SAMD12: variants seen among roughly 807,000 people sequenced by gnomAD.
The protein encoded by SAMD12 is sterile alpha motif domain-containing protein 12.
Under a neutral mutation model 15.0 loss-of-function variants are expected in SAMD12, and 9 were observed. The ratio of observed to expected loss-of-function variants is 0.60; its 90% CI spans 0.36 to 1.05. The LOEUF (loss-of-function observed/expected upper bound fraction) is 1.05. SAMD12 is among the 50% of genes least tolerant of loss of function. The probability of loss-of-function intolerance (pLI) is 0.01; values close to 1 mark genes in which losing one functional copy is unlikely to be tolerated. For missense variants in SAMD12, 230 were observed against 234.2 expected, an observed-to-expected ratio of 0.98 and a Z score of 0.12; for synonymous variants, 86 against 90.1, an observed-to-expected ratio of 0.96 and a Z score of 0.25.
intron 1 of SAMD12, among the ~76,000 whole-genome samples, chr8:118,615,763 G>C (rs1372355557): frequency 6.6e-6 from 1 of 152,166 alleles, no homozygotes; most frequent in Non-Finnish European, 1.5e-5. Context: ...TCTTCATTCA[G>C]GCGTGAGAAA....
intron 4 of SAMD12, among the ~76,000 whole-genome samples, chr8:118,229,176 G>A (rs1443758117): frequency 1.3e-5 from 2 of 151,900 alleles, no homozygotes; most frequent in African/African-American, 4.8e-5. Flanking sequence ...CTACAAATAT[G>A]GTGCAGTGTA....
At chr8:118,566,054 T>A (rs1826837586) in intron 2 of SAMD12, among the ~76,000 whole-genome samples, 1 of 152,232 alleles carries the variant, frequency 6.6e-6, no homozygotes, top group Non-Finnish European at 1.5e-5. Context: ...AGCTAGAGTC[T>A]TCTCTTTATA....
At chr8:118,435,994 T>C (rs1289683403) in intron 3 of SAMD12, among the ~76,000 whole-genome samples, 1 of 152,212 alleles carries the variant, frequency 6.6e-6, no homozygotes, top group African/African-American at 2.4e-5. Flanking sequence ...GGAACAGAAG[T>C]TACATGTCAA....
intron 4 of SAMD12, among the ~76,000 whole-genome samples, chr8:118,352,764 T>C (rs1274636151): frequency 6.6e-6 from 1 of 152,176 alleles, no homozygotes; most frequent in African/African-American, 2.4e-5. Context: ...TTGACTTGTC[T>C]CGTTTTTAAT....
At chr8:118,364,619 G>C (rs188403374) in intron 4 of SAMD12, among the ~76,000 whole-genome samples, 45 of 152,244 alleles carry the variant, frequency 3.0e-4, no homozygotes, top group Admixed American at 6.5e-4. Flanking sequence ...AGTCAACTGC[G>C]GTGAAGCTGT....
At chr8:118,412,498 T>C (rs956981192) in intron 3 of SAMD12, among the ~76,000 whole-genome samples, 1 of 152,184 alleles carries the variant, frequency 6.6e-6, no homozygotes, top group African/African-American at 2.4e-5. Context: ...TTTATATTCC[T>C]TCTATAGAAA....
the SAMD12 span, among the ~76,000 whole-genome samples, chr8:118,134,428 T>C: frequency 1.4e-4 from 21 of 152,342 alleles, no homozygotes; most frequent in African/African-American, 3.4e-4. Context: ...TTATCCCAAA[T>C]AGTTTATAGG....
chr8:118,404,098 TCA>T (rs1473457498), intron 3 of SAMD12, among the ~76,000 whole-genome samples: 1 of 152,160 alleles, frequency 6.6e-6, no homozygotes. Flanking sequence ...TCCTTCCATC[TCA>T]ACCTCCCAAG....
At chr8:118,208,666 T>G (rs998955501) in intron 4 of SAMD12, among the ~76,000 whole-genome samples, 3 of 152,264 alleles carry the variant, frequency 2.0e-5, no homozygotes, top group African/African-American at 7.2e-5. Flanking sequence ...ATGTAGCTGG[T>G]GCATGGAGGA....
At chr8:118,461,317 C>T (rs908938565) in intron 2 of SAMD12, among the ~76,000 whole-genome samples, 6 of 152,238 alleles carry the variant, frequency 3.9e-5, no homozygotes, top group African/African-American at 9.6e-5. Flanking sequence ...GCTATTCTAG[C>T]AGTCCTTTAA....
chr8:118,354,170 T>C (rs1332519454), intron 4 of SAMD12, among the ~76,000 whole-genome samples: 3 of 152,180 alleles, frequency 2.0e-5, no homozygotes, highest in African/African-American at 7.2e-5. Flanking sequence ...AACAAACAAC[T>C]TGTACATTGC....
At chr8:118,218,747 A>AT (rs1198767957) in intron 4 of SAMD12, among the ~76,000 whole-genome samples, 2 of 152,142 alleles carry the variant, frequency 1.3e-5, no homozygotes, top group Admixed American at 6.5e-5. Context: ...TATATACCAC[A>AT]TTTTTTTAAA....
chr8:118,156,942 G>C, the SAMD12 span, among the ~76,000 whole-genome samples: 1 of 152,152 alleles, frequency 6.6e-6, no homozygotes, highest in Non-Finnish European at 1.5e-5. Flanking sequence ...GGGTCAGTAT[G>C]ATGTTTGCCC....
chr8:118,510,862 A>G (rs954632675), intron 2 of SAMD12, among the ~76,000 whole-genome samples: 1 of 152,270 alleles, frequency 6.6e-6, no homozygotes, highest in African/African-American at 2.4e-5. Context: ...TTAAGTAGCG[A>G]GAATGCATTT....
intron 4 of SAMD12, among the ~76,000 whole-genome samples, chr8:118,307,805 A>AATGCCTCAT (rs71303473): frequency 3.3e-5 from 5 of 151,712 alleles, no homozygotes; most frequent in South Asian, 2.1e-4. Flanking sequence ...ACCTGTACAG[A>AATGCCTCAT]GGGATGCTCT....
chr8:118,298,462 T>A (rs1814842935), intron 4 of SAMD12, among the ~76,000 whole-genome samples: 1 of 152,202 alleles, frequency 6.6e-6, no homozygotes, highest in Non-Finnish European at 1.5e-5. Context: ...GGCTAGATAA[T>A]CCCAGTTGAT....
chr8:118,586,429 A>G (rs1827444453), intron 1 of SAMD12, among the ~76,000 whole-genome samples: 1 of 150,598 alleles, frequency 6.6e-6, no homozygotes, highest in Non-Finnish European at 1.5e-5. Flanking sequence ...TGCAGTCTCA[A>G]CCTCGCAGGC....
At chr8:118,324,015 C>A (rs1450648587) in intron 4 of SAMD12, among the ~76,000 whole-genome samples, 1 of 146,256 alleles carries the variant, frequency 6.8e-6, no homozygotes, top group African/African-American at 2.6e-5. Context: ...AACATTTTGA[C>A]AAAAGGAAAA....
At chr8:118,273,391 T>C (rs1444273612) in intron 4 of SAMD12, among the ~76,000 whole-genome samples, 3 of 152,104 alleles carry the variant, frequency 2.0e-5, no homozygotes, top group African/African-American at 4.8e-5. Context: ...AAATTCAAGA[T>C]GAGATTTGGA....
Sources: gnomAD v4.1 joint callset for allele counts (sites outside exome capture counted in the v4.1 genomes callset) on GRCh38, gnomAD v4.1.1 for gene constraint, MANE v1.5 for transcripts, NCBI Gene and HGNC (gene_info 2026-07-23, HGNC 2026-07-21) for gene names.